The following MMP26 variants were observed in gnomAD, a reference collection of about 807,000 sequenced individuals.
MMP26 encodes matrix metallopeptidase 26.
In MMP26, 33 loss-of-function variants were observed where a neutral mutation model predicts 31.0. That is an observed-to-expected ratio of 1.06 (90% CI 0.81 to 1.42). The LOEUF (loss-of-function observed/expected upper bound fraction) is 1.42, where lower values mean the gene tolerates loss of function less well. MMP26 is among the 40% of genes most tolerant of loss of function. MMP26 has a pLI of 0.00. For missense variants in MMP26, 347 were observed against 316.1 expected (o/e 1.10, Z -0.74); for synonymous variants, 122 against 114.9 (o/e 1.06, Z -0.40).
At chr11:4,910,065 A>G (rs1380036535) in intron 2 of MMP26, among the ~76,000 whole-genome samples, 2 of 152,090 alleles carry the variant, frequency 1.3e-5, no homozygotes, top group African/African-American at 4.8e-5. Flanking sequence ...ATAATTCTGT[A>G]AGCTGCAGTT....
intron 1 of MMP26, among the ~76,000 whole-genome samples, chr11:4,730,399 T>C (rs964572862): frequency 2.7e-5 from 2 of 74,362 alleles, no homozygotes; most frequent in South Asian, 7.7e-4. Context: ...CTTAGGTTTC[T>C]GGGAAAGAGA....
intron 2 of MMP26, among the ~76,000 whole-genome samples, chr11:4,971,486 C>T (rs573943892): frequency 3.9e-5 from 6 of 152,122 alleles, no homozygotes; most frequent in Admixed American, 1.3e-4. Context: ...CAGAGAGTAA[C>T]GTGATATGTA....
chr11:4,810,788 A>G (rs1480610380), intron 2 of MMP26, among the ~76,000 whole-genome samples: 1 of 152,246 alleles, frequency 6.6e-6, no homozygotes, highest in Non-Finnish European at 1.5e-5. Flanking sequence ...GTGAAGGCCT[A>G]CACAGAGCTT....
intron 2 of MMP26, among the ~76,000 whole-genome samples, chr11:4,851,619 T>C (rs1849976524): frequency 6.6e-6 from 1 of 151,916 alleles, no homozygotes; most frequent in African/African-American, 2.4e-5. Flanking sequence ...GTAAATTATA[T>C]ATATTATATA....
chr11:4,818,306 TTTC>T (rs1310749595), intron 2 of MMP26, among the ~76,000 whole-genome samples: 1 of 152,230 alleles, frequency 6.6e-6, no homozygotes, highest in Non-Finnish European at 1.5e-5. Context: ...CTAGATTTTA[TTTC>T]TTCAGCTAGT....
intron 2 of MMP26, chr11:4,877,597 A>G (rs1292695242): frequency 2.0e-5 from 3 of 152,154 alleles, no homozygotes; most frequent in Admixed American, 6.5e-5. Context: ...AGAAGTGGAT[A>G]TTTTCTATTT....
chr11:4,903,117 T>C (rs536056892), intron 2 of MMP26, among the ~76,000 whole-genome samples: 2 of 152,234 alleles, frequency 1.3e-5, no homozygotes, highest in East Asian at 3.9e-4. Context: ...CCTTAAATAA[T>C]TATTATTTAA....
intron 2 of MMP26, among the ~76,000 whole-genome samples, chr11:4,833,745 T>A (rs528798291): frequency 2.2e-4 from 33 of 152,120 alleles, no homozygotes; most frequent in Admixed American, 1.0e-3. Context: ...ACTATGTCAT[T>A]TGGTGAAGCA....
At chr11:4,867,104 G>C (rs1850245613) in intron 2 of MMP26, among the ~76,000 whole-genome samples, 1 of 152,034 alleles carries the variant, frequency 6.6e-6, no homozygotes, top group Admixed American at 6.6e-5. Context: ...AAACTAAAGA[G>C]CTTCTGCACA....
chr11:4,838,581 T>C (rs1849752962), intron 2 of MMP26, among the ~76,000 whole-genome samples: 1 of 151,268 alleles, frequency 6.6e-6, no homozygotes, highest in Non-Finnish European at 1.5e-5. Flanking sequence ...TAGAAAACAG[T>C]TGAATAAATT....
At chr11:4,872,107 T>G (rs1344049039) in intron 2 of MMP26, among the ~76,000 whole-genome samples, 30 of 152,072 alleles carry the variant, frequency 2.0e-4, no homozygotes, top group Non-Finnish European at 1.5e-5. Flanking sequence ...CCACTAAGGT[T>G]TTTGTATCTT....
intron 2 of MMP26, among the ~76,000 whole-genome samples, chr11:4,862,857 C>T (rs955048950): frequency 1.3e-5 from 2 of 152,044 alleles, no homozygotes; most frequent in Non-Finnish European, 2.9e-5. Flanking sequence ...AAATTTGGGC[C>T]CCTCCCTCCC....
At chr11:4,810,847 C>G (rs73403035) in intron 2 of MMP26, among the ~76,000 whole-genome samples, 8,846 of 152,258 alleles carry the variant, frequency 0.058, 381 homozygotes, top group African/African-American at 0.11. Context: ...TGTTTTTAAT[C>G]TAAACACTGA....
At chr11:4,809,051 C>G (rs73403029) in intron 2 of MMP26, among the ~76,000 whole-genome samples, 1,706 of 151,968 alleles carry the variant, frequency 0.011, 40 homozygotes, top group African/African-American at 0.039. Flanking sequence ...ATAGGAAGCA[C>G]AGGTTGTCAG....
intron 2 of MMP26, among the ~76,000 whole-genome samples, chr11:4,958,239 TC>T (rs1242655705): frequency 6.6e-6 from 1 of 152,226 alleles, no homozygotes; most frequent in Non-Finnish European, 1.5e-5. Flanking sequence ...TTGTGCTCTG[TC>T]CAGAATTTGG....
intron 2 of MMP26, chr11:4,860,559 C>T (rs772746789): frequency 1.1e-5 from 5 of 461,878 alleles, no homozygotes; most frequent in Admixed American, 4.7e-5. Context: ...CATTCAAGTT[C>T]GTCATGTTGT....
At chr11:4,991,333 T>C (rs1222316644) in intron 5 of MMP26, 38 bp from the exon 6 acceptor site, 1 of 1,597,370 alleles carries the variant, frequency 6.3e-7, no homozygotes. Flanking sequence ...TGTTTCTACC[T>C]CCACCCTCAT....
intron 1 of MMP26, among the ~76,000 whole-genome samples, chr11:4,714,479 CTCATCT>C (rs1022802113): frequency 1.5e-4 from 23 of 152,242 alleles, no homozygotes; most frequent in African/African-American, 5.5e-4. Context: ...TATCCTCATC[CTCATCT>C]TCATTTACCA....
At chr11:4,897,019 G>C (rs991864771) in intron 2 of MMP26, among the ~76,000 whole-genome samples, 3 of 151,912 alleles carry the variant, frequency 2.0e-5, no homozygotes, top group African/African-American at 7.3e-5. Flanking sequence ...TGGCCACACT[G>C]ACCATATATA....
Sources: gnomAD v4.1 joint callset for allele counts (sites outside exome capture counted in the v4.1 genomes callset) on GRCh38, gnomAD v4.1.1 for gene constraint, MANE v1.5 for transcripts, NCBI Gene and HGNC (gene_info 2026-07-23, HGNC 2026-07-21) for gene names.